ANGEL1: variants seen among roughly 807,000 people sequenced by gnomAD.
ANGEL1 encodes angel homolog 1, also known as RNA 2',3'-cyclic phosphatase ANGEL1.
A neutral mutation model predicts 76.4 loss-of-function variants in ANGEL1; 62 were observed. The observed-to-expected ratio is 0.81, with a 90% CI of 0.66 to 1.00. ANGEL1 has a LOEUF of 1.00. Ranked by LOEUF, ANGEL1 falls within the 50% of genes least tolerant of loss-of-function variation. The probability of loss-of-function intolerance (pLI) is 0.00; values close to 1 mark genes in which losing one functional copy is unlikely to be tolerated. For missense variants in ANGEL1, 737 were observed against 836.7 expected, an observed-to-expected ratio of 0.88 and a Z score of 1.47; for synonymous variants, 340 against 331.7, an observed-to-expected ratio of 1.03 and a Z score of -0.27.
intron 2 of ANGEL1, among the ~76,000 whole-genome samples, chr14:76,808,766 A>G (rs556543045): frequency 1.3e-5 from 2 of 152,292 alleles, no homozygotes; most frequent in Admixed American, 1.3e-4. Context: ...CACCAGAGAA[A>G]TGACATTGTG....
chr14:76,795,262 C>T (rs1006206049), intron 7 of ANGEL1, among the ~76,000 whole-genome samples: 2 of 152,106 alleles, frequency 1.3e-5, no homozygotes, highest in African/African-American at 4.8e-5. Context: ...GCACAAGTTT[C>T]ATGTATTTTA....
At chr14:76,804,196 C>G (rs1398099384) in intron 5 of ANGEL1, 1 of 1,410,794 alleles carries the variant, frequency 7.1e-7, no homozygotes, top group Non-Finnish European at 9.2e-7. Context: ...TAAATTTTAC[C>G]TCTGAAAAAT....
chr14:76,800,618 T>C (rs1894731910), intron 7 of ANGEL1, among the ~76,000 whole-genome samples: 2 of 152,242 alleles, frequency 1.3e-5, no homozygotes, highest in Non-Finnish European at 2.9e-5. Context: ...TCTTGAACTA[T>C]ATATCCTTTC....
At chr14:76,792,617 G>T (rs1894439339) in intron 7 of ANGEL1, among the ~76,000 whole-genome samples, 1 of 151,900 alleles carries the variant, frequency 6.6e-6, no homozygotes, top group Non-Finnish European at 1.5e-5. Context: ...TGTCGCAATA[G>T]AATACTTAAG....
chr14:76,812,812 A>C lies in ANGEL1; in HGVS notation c.16T>G (p.Leu6Val). The C allele has an allele frequency of 6.6e-7, 1 of 1,518,162 alleles. No individual in the cohort carries two copies. Among genetic ancestry groups the C allele is most frequent in the Non-Finnish European group, 8.8e-7 (1 of 1,137,696 alleles). The allele number at this position is 1,518,162 out of a possible 1,614,324, so 94.0% of individuals were successfully genotyped here. A position where few individuals can be genotyped will look rare whatever the true frequency, so the allele number is the denominator to read the frequency against. ...GTGGCCGGCAGCAGCAGGTAACACA[A>C]GCACGACGCGATCATGGCCGGCCGC... Reference protein sequence around the residue: MIASCLCYLLLPATRL... With the variant: MIASCVCYLLLPATRL... The change falls in exon 1 of 10, where the codon TTG (leucine) becomes GTG (valine). Residue 6 changes from leucine (L) to valine (V), a missense_variant. Transcript: ENST00000251089.
At chr14:76,804,993 G>C (rs924537997) in intron 5 of ANGEL1, among the ~76,000 whole-genome samples, 1 of 151,336 alleles carries the variant, frequency 6.6e-6, no homozygotes, top group African/African-American at 2.4e-5. Context: ...CTGGGCAACA[G>C]AGCGAGACTC....
At chr14:76,789,649 T>C (rs1269491251) in intron 9 of ANGEL1, among the ~76,000 whole-genome samples, 1 of 151,998 alleles carries the variant, frequency 6.6e-6, no homozygotes, top group East Asian at 1.9e-4. Flanking sequence ...GATCTTTTGA[T>C]TTTCCAAGAG....
At chr14:76,791,403 A>C in intron 7 of ANGEL1, 37 bp from the exon 8 acceptor site, 2 of 1,594,012 alleles carry the variant, frequency 1.3e-6, no homozygotes, top group Non-Finnish European at 1.7e-6. Context: ...TTTCTCATCC[A>C]CAGACAGTGA....
chr14:76,797,224 T>C (rs1252566185), intron 7 of ANGEL1, among the ~76,000 whole-genome samples: 2 of 152,204 alleles, frequency 1.3e-5, no homozygotes, highest in Non-Finnish European at 2.9e-5. Flanking sequence ...AAGCTGGATT[T>C]AGGACTTTCC....
chr14:76,789,495 T>C (rs1213673253), intron 9 of ANGEL1, 107 bp from the exon 10 acceptor site: 1 of 1,307,044 alleles, frequency 7.7e-7, no homozygotes, highest in Non-Finnish European at 1.1e-6. Flanking sequence ...TGCATCCCCT[T>C]GGCTGCCCAC....
intron 7 of ANGEL1, among the ~76,000 whole-genome samples, chr14:76,803,033 T>G (rs1376172168): frequency 6.6e-6 from 1 of 152,230 alleles, no homozygotes. Context: ...CACTGTCACC[T>G]TATGATTTTC....
At chr14:76,810,909 G>T (rs1050881173) in intron 1 of ANGEL1, among the ~76,000 whole-genome samples, 3 of 152,190 alleles carry the variant, frequency 2.0e-5, no homozygotes. Context: ...TAACATGCAC[G>T]ATGCTGGCCC....
In ANGEL1 at chr14:76,790,768, T is replaced by G; in HGVS notation, c.1695A>C (p.Val565=). ...SELEPAFSRT[V]GTIQHCLHLT... is the part of the protein sequence containing the mutation. Reference sequence around the variant, plus strand: ...GGTGGAGGCAGTGCTGGATGGTACCTACAGTCCTACAGGGATGAAGGGGGA... The same window carrying G: ...GGTGGAGGCAGTGCTGGATGGTACCGACAGTCCTACAGGGATGAAGGGGGA... The change falls in exon 9 of 10, where the codon GTA becomes GTC. Residue 565 remains valine (V), a synonymous_variant. Transcript: ENST00000251089. 1.3e-6 allele frequency: 2 copies of G among 1,595,210 alleles called. No homozygotes were observed. Among genetic ancestry groups the G allele is most frequent in the Non-Finnish European group, 1.7e-6 (2 of 1,171,166 alleles).
intron 1 of ANGEL1, chr14:76,812,268 C>G: frequency 4.0e-6 from 4 of 989,132 alleles, no homozygotes; most frequent in Non-Finnish European, 4.8e-6. Flanking sequence ...TGAGCGAGAG[C>G]TGCCAGGTGG....
At chr14:76,792,287 C>T (rs938183971) in intron 7 of ANGEL1, among the ~76,000 whole-genome samples, 7 of 152,052 alleles carry the variant, frequency 4.6e-5, no homozygotes, top group African/African-American at 1.7e-4. Flanking sequence ...AAAGAAAACA[C>T]CAGGCTCAAT....
Position 76,808,101 on chromosome 14 carries a change from G to T in ANGEL1, c.697C>A (p.Gln233Lys), listed in dbSNP as rs767073966. The change falls in exon 3 of 10, where the codon CAG becomes AAG. Residue 233 changes from glutamine (Q) to lysine (K), a missense_variant. This residue lies in a region of ANGEL1 where 441 missense variants were observed against 449.5 expected (regional missense o/e 0.98). Transcript: ENST00000251089. ...WEDFSTQPDA[Q>K]GLKAGDGPQF... ...GGGCCATCTCCTGCCTTCAGGCCCT[G>T]AGCATCTGGCTGGGTGGAGAAATCC... 2.5e-6 allele frequency: 4 copies of T among 1,613,928 alleles called. No homozygotes were observed. The South Asian group carries it at 4.4e-5, about 18-fold the overall frequency.
At chr14:76,801,941 G>A (rs1385327587) in intron 7 of ANGEL1, among the ~76,000 whole-genome samples, 1 of 152,008 alleles carries the variant, frequency 6.6e-6, no homozygotes, top group Non-Finnish European at 1.5e-5. Context: ...CAGACTGCCT[G>A]AGGTCAGGAG....
chr14:76,803,251 G>C, intron 7 of ANGEL1, 120 bp downstream of exon 7: 1 of 774,502 alleles, frequency 1.3e-6, no homozygotes, highest in East Asian at 2.7e-5. Flanking sequence ...CTAAATATAC[G>C]TATTACCAGA....
chr14:76,797,518 T>C (rs893114204), intron 7 of ANGEL1, among the ~76,000 whole-genome samples: 1 of 152,132 alleles, frequency 6.6e-6, no homozygotes, highest in Non-Finnish European at 1.5e-5. Context: ...GAGAATCACT[T>C]GAACCCAGGA....
Sources: gnomAD v4.1 joint callset for allele counts (sites outside exome capture counted in the v4.1 genomes callset) on GRCh38, gnomAD v4.1.1 for gene constraint, gnomAD v4.1.1 regional missense constraint, MANE v1.5 for transcripts, NCBI Gene and HGNC (gene_info 2026-07-23, HGNC 2026-07-21) for gene names.